NRXN1: variants seen among roughly 807,000 people sequenced by gnomAD.
NRXN1 encodes the protein neurexin 1.
In NRXN1, 39 loss-of-function variants were observed where a neutral mutation model predicts 150.9. The observed-to-expected ratio is 0.26, with a 90% CI of 0.20 to 0.34. NRXN1 has a LOEUF of 0.34. NRXN1 is among the 10% of genes least tolerant of loss of function. NRXN1 has a pLI of 1.00. For synonymous variants in NRXN1, 924 were observed against 757.0 expected, an observed-to-expected ratio of 1.22 and a Z score of -3.62; for missense variants, 1,815 against 1,949.9, an observed-to-expected ratio of 0.93 and a Z score of 1.30.
At chr2:50,340,829 G>GT (rs926105579) in intron 17 of NRXN1, among the ~76,000 whole-genome samples, 4 of 152,214 alleles carry the variant, frequency 2.6e-5, no homozygotes, top group African/African-American at 2.4e-5. Context: ...CATAAATTGT[G>GT]TTTTTTTCTT....
intron 5 of NRXN1, among the ~76,000 whole-genome samples, chr2:50,691,154 A>C (rs542185974): frequency 6.6e-6 from 1 of 152,334 alleles, no homozygotes; most frequent in South Asian, 2.1e-4. Flanking sequence ...AAAGACGTGA[A>C]GAGAGTTATG....
At chr2:50,275,925 A>G (rs1390197160) in intron 17 of NRXN1, among the ~76,000 whole-genome samples, 1 of 151,734 alleles carries the variant, frequency 6.6e-6, no homozygotes, top group African/African-American at 2.4e-5. Context: ...CAAATAAATT[A>G]AATTGTTCAA....
rs575224464 is a variant in NRXN1 at position 51,010,450 on chromosome 2, T to A, written c.772+17052A>T. Among the ~76,000 whole-genome samples, 3 of 152,132 alleles carry A rather than the reference T, an allele frequency of 2.0e-5. No homozygotes were observed. The East Asian group carries it at 5.8e-4, about 30-fold the overall frequency. On this transcript the variant is annotated intron_variant, in intron 2 of 22. Transcript: ENST00000401669. ...AAAACACACCTCATTCATGTTATAT[T>A]GTGAGTCATTATACACAGCTCTACC...
In NRXN1 at chr2:50,829,518, G is replaced by A. The variant is rs532896214; in HGVS notation, c.832+92351C>T. 42 of 1,606,412 alleles carry A rather than the reference G, an allele frequency of 2.6e-5. No individual in the cohort carries two copies. The East Asian group carries it at 9.4e-4, about 36-fold the overall frequency. ...GGCGCGAATCAAAAACAGCACAGTG[G>A]CAAGTGCGATGGCCTTATAAGGGAT... On this transcript the variant is annotated intron_variant, in intron 5 of 22. Transcript: ENST00000401669.
intron 15 of NRXN1, among the ~76,000 whole-genome samples, chr2:50,495,380 G>GTGTGT (rs1262524763): frequency 5.6e-5 from 1 of 17,742 alleles, no homozygotes; most frequent in African/African-American, 1.5e-4. Context: ...GTGTGTGTGT[G>GTGTGT]GTGTGTGTGT....
At chr2:50,961,228 T>C (rs1693138097) in intron 2 of NRXN1, among the ~76,000 whole-genome samples, 2 of 152,024 alleles carry the variant, frequency 1.3e-5, no homozygotes, top group Non-Finnish European at 2.9e-5. Context: ...CATAAGTACA[T>C]GATAACATGT....
At chr2:50,658,057 T>C (rs922532824) in intron 5 of NRXN1, among the ~76,000 whole-genome samples, 1 of 152,076 alleles carries the variant, frequency 6.6e-6, no homozygotes, top group African/African-American at 2.4e-5. Context: ...AGAATAACTA[T>C]TTCATTGATG....
chr2:50,996,284 G>C (rs767822011), intron 2 of NRXN1, among the ~76,000 whole-genome samples: 1 of 151,940 alleles, frequency 6.6e-6, no homozygotes, highest in African/African-American at 2.4e-5. Flanking sequence ...AAGTATATTC[G>C]CTTGAATGAG....
intron 18 of NRXN1, among the ~76,000 whole-genome samples, chr2:50,192,941 T>C (rs953913753): frequency 4.6e-5 from 7 of 152,186 alleles, no homozygotes; most frequent in African/African-American, 1.4e-4. Flanking sequence ...AATTGTGTAG[T>C]AAAATACATA....
intron 2 of NRXN1, among the ~76,000 whole-genome samples, chr2:50,990,349 A>AT (rs1379802023): frequency 6.6e-6 from 1 of 151,992 alleles, no homozygotes; most frequent in Non-Finnish European, 1.5e-5. Context: ...ACTTCACATT[A>AT]TTTTTCCCTT....
chr2:50,405,614 C>A (rs532523760), intron 17 of NRXN1, among the ~76,000 whole-genome samples: 1 of 152,220 alleles, frequency 6.6e-6, no homozygotes, highest in South Asian at 2.1e-4. Context: ...TGTACATTTC[C>A]TTTATGCATC....
intron 5 of NRXN1, among the ~76,000 whole-genome samples, chr2:50,876,446 A>G (rs766998675): frequency 2.0e-5 from 3 of 151,808 alleles, no homozygotes; most frequent in African/African-American, 2.4e-5. Context: ...CTTTTTTAAT[A>G]TTTACTATAT....
At chr2:49,970,727 T>C (rs978424986) in intron 21 of NRXN1, 4 of 152,150 alleles carry the variant, frequency 2.6e-5, no homozygotes, top group African/African-American at 9.6e-5. Flanking sequence ...AATGTATAAA[T>C]CTAAACTTAG....
chr2:50,400,065 C>T (rs2082300188), intron 17 of NRXN1, among the ~76,000 whole-genome samples: 1 of 151,822 alleles, frequency 6.6e-6, no homozygotes, highest in Non-Finnish European at 1.5e-5. Flanking sequence ...GCATAATGCA[C>T]CCCAAGAAAG....
intron 22 of NRXN1, among the ~76,000 whole-genome samples, chr2:49,935,001 C>T (rs1391102206): frequency 1.3e-5 from 2 of 152,096 alleles, no homozygotes; most frequent in Non-Finnish European, 2.9e-5. Flanking sequence ...CTGAAGTATC[C>T]ATCATTAACA....
chr2:50,932,811 G>A (rs1687962620), intron 2 of NRXN1, among the ~76,000 whole-genome samples: 1 of 151,890 alleles, frequency 6.6e-6, no homozygotes, highest in Non-Finnish European at 1.5e-5. Flanking sequence ...AACAGCAATA[G>A]AATAAATGAG....
intron 17 of NRXN1, among the ~76,000 whole-genome samples, chr2:50,304,125 C>T (rs2074404640): frequency 6.6e-6 from 1 of 152,124 alleles, no homozygotes; most frequent in Non-Finnish European, 1.5e-5. Context: ...ATTTAGAAGG[C>T]TAGTTACACT....
intron 17 of NRXN1, among the ~76,000 whole-genome samples, chr2:50,239,949 T>A (rs2065864244): frequency 6.6e-6 from 1 of 151,152 alleles, no homozygotes; most frequent in Non-Finnish European, 1.5e-5. Context: ...AGATTAACAT[T>A]TAGTTGGGGT....
intron 5 of NRXN1, among the ~76,000 whole-genome samples, chr2:50,787,232 A>C (rs1461805442): frequency 1.3e-5 from 2 of 152,074 alleles, no homozygotes; most frequent in Non-Finnish European, 2.9e-5. Flanking sequence ...ATCTTTAAAT[A>C]TCTCTCTGAT....
Sources: allele counts gnomAD v4.1 joint callset (sites outside exome capture counted in the v4.1 genomes callset), GRCh38; gene constraint gnomAD v4.1.1; transcripts MANE v1.5; gene names NCBI Gene and HGNC (gene_info 2026-07-23, HGNC 2026-07-21).